The following ARHGEF38 variants were observed in gnomAD, a reference collection of about 807,000 sequenced individuals.
ARHGEF38 encodes Rho guanine nucleotide exchange factor (GEF) 38.
Under a neutral mutation model 79.9 loss-of-function variants are expected in ARHGEF38, and 79 were observed. That is an observed-to-expected ratio of 0.99 (90% CI 0.82 to 1.19). The LOEUF (loss-of-function observed/expected upper bound fraction) is 1.19. ARHGEF38 is among the 50% of genes most tolerant of loss of function. The pLI, the probability that ARHGEF38 is intolerant of heterozygous loss-of-function variation, is 0.00. For synonymous variants in ARHGEF38, 366 were observed against 328.3 expected, an observed-to-expected ratio of 1.11 and a Z score of -1.24; for missense variants, 962 against 907.2, an observed-to-expected ratio of 1.06 and a Z score of -0.78.
intron 1 of ARHGEF38, among the ~76,000 whole-genome samples, chr4:105,567,052 C>T (rs183016165): frequency 6.6e-6 from 1 of 152,256 alleles, no homozygotes; most frequent in Admixed American, 6.5e-5. Flanking sequence ...CATCCTTTTA[C>T]TATCTATCTT....
rs142282702 is a variant in ARHGEF38, at chr4:105,661,224, C to T, written c.1545+1859C>T. On this transcript the variant is annotated intron_variant, in intron 10 of 13. Transcript: ENST00000420470. ...ATATACCACACTTTACTTATTCATT[C>T]GTCAGTTGACGGGCATTTGGGTTAT... Among the ~76,000 whole-genome samples, 324 of 152,220 alleles carry T rather than the reference C, an allele frequency of 2.1e-3. 2 individuals carry two copies. Among genetic ancestry groups the T allele is most frequent in the African/African-American group, 7.5e-3 (312 of 41,536 alleles).
downstream of ARHGEF38, among the ~76,000 whole-genome samples, chr4:105,681,448 T>C (rs997952609): frequency 6.6e-6 from 1 of 151,850 alleles, no homozygotes; most frequent in African/African-American, 2.4e-5. Flanking sequence ...CAAATCAAGT[T>C]TGATGGAACA....
At chr4:105,640,381 TTTAC>T (rs1252533585) in intron 5 of ARHGEF38, among the ~76,000 whole-genome samples, 6 of 152,174 alleles carry the variant, frequency 3.9e-5, no homozygotes, top group South Asian at 2.1e-4. Flanking sequence ...TTGTTCTTCA[TTTAC>T]TTAGTTTTCT....
At chr4:105,629,040 A>G (rs1189218138) in intron 3 of ARHGEF38, among the ~76,000 whole-genome samples, 1 of 152,096 alleles carries the variant, frequency 6.6e-6, no homozygotes, top group Non-Finnish European at 1.5e-5. Flanking sequence ...AGGCACTAAG[A>G]CTCAAATAAT....
rs540866239 is a variant in ARHGEF38 at position 105,597,051 on chromosome 4, C to A, written c.384+7616C>A. On this transcript the variant is annotated intron_variant, in intron 2 of 13. Transcript: ENST00000420470. ...TCTCCCAGCCCAGCTCCTCAGACCC[C>A]CAACTTGTCCATAACAGGAATTCAG... 2.6e-5 allele frequency among the ~76,000 whole-genome samples: 4 copies of A among 152,264 alleles called. No individual in the cohort carries two copies. In the South Asian group the frequency reaches 6.2e-4, roughly 24 times the overall value.
At chr4:105,637,602 CCTGG>C (rs1729450903) in intron 5 of ARHGEF38, among the ~76,000 whole-genome samples, 1 of 152,010 alleles carries the variant, frequency 6.6e-6, no homozygotes, top group Non-Finnish European at 1.5e-5. Context: ...AGCCTGTGTC[CCTGG>C]CATTGTGCCA....
intron 1 of ARHGEF38, among the ~76,000 whole-genome samples, chr4:105,560,694 C>G (rs953817342): frequency 1.3e-5 from 2 of 152,136 alleles, no homozygotes; most frequent in Non-Finnish European, 2.9e-5. Context: ...CACTGAAGCC[C>G]TCGATAGAGG....
At chr4:105,668,662 G>GTAGATAGATGATAGA (rs1006893876) in intron 13 of ARHGEF38, among the ~76,000 whole-genome samples, 2 of 148,920 alleles carry the variant, frequency 1.3e-5, no homozygotes, top group Non-Finnish European at 3.0e-5. Flanking sequence ...ATGTATATGT[G>GTAGATAGATGATAGA]TAGATAGATA....
In ARHGEF38 at chr4:105,678,241, GAAAGGTTGGATCC is replaced by G. The variant is rs1364660476; in HGVS notation, c.*312_*324del. 1 of 226,984 alleles carries G rather than the reference GAAAGGTTGGATCC, an allele frequency of 4.4e-6. No individual in the cohort carries two copies. The highest frequency in any genetic ancestry group is 5.5e-5 in the Admixed American group (1 of 18,340). 14.1% of individuals were successfully genotyped at this position (226,984 alleles called of 1,614,324 possible). On this transcript the variant is annotated 3_prime_UTR_variant, in exon 14 of 14. Coordinates refer to ENST00000420470, the MANE Select transcript of ARHGEF38 (RefSeq NM_001242729.2). ...AGTAATTATATTCTTTTATCATCAA[GAAAGGTTGGATCC>G]AAAGGTTTTTCAATTTACTTTTTTT...
chr4:105,561,394 GTA>G (rs1725518673), intron 1 of ARHGEF38, among the ~76,000 whole-genome samples: 3 of 26,816 alleles, frequency 1.1e-4, no homozygotes, highest in Admixed American at 4.8e-4. Flanking sequence ...CAAAAATAGA[GTA>G]GAATAATAGA....
chr4:105,594,815 C>T (rs987590037), intron 2 of ARHGEF38, among the ~76,000 whole-genome samples: 6 of 152,170 alleles, frequency 3.9e-5, no homozygotes, highest in Non-Finnish European at 7.4e-5. Context: ...TCAGCAGTTA[C>T]ACATCTTCTT....
chr4:105,576,486 T>C (rs1213395287), intron 1 of ARHGEF38, among the ~76,000 whole-genome samples: 1 of 151,834 alleles, frequency 6.6e-6, no homozygotes, highest in African/African-American at 2.4e-5. Context: ...TGTTGGTATA[T>C]AGCAAGCAGC....
chr4:105,568,232 T>C (rs899393215), intron 1 of ARHGEF38, among the ~76,000 whole-genome samples: 3 of 151,908 alleles, frequency 2.0e-5, no homozygotes, highest in Admixed American at 6.6e-5. Context: ...AAAAAACATA[T>C]GAAAAAATGC....
chr4:105,669,690 T>C (rs1332475537), intron 13 of ARHGEF38, among the ~76,000 whole-genome samples: 1 of 152,194 alleles, frequency 6.6e-6, no homozygotes, highest in Non-Finnish European at 1.5e-5. Flanking sequence ...ATTACAAAGT[T>C]GTACAAGTTT....
chr4:105,679,289 G>T lies in ARHGEF38; in HGVS notation c.*1352G>T. 1.4e-6 allele frequency: 1 copy of T among 731,992 alleles called. No homozygotes were observed. Among genetic ancestry groups the T allele is most frequent in the South Asian group, 1.7e-5 (1 of 60,570 alleles). 45.3% of individuals were successfully genotyped at this position (731,992 alleles called of 1,614,324 possible). ...AGCTGGCACTGAGAGTATCCAGCCG[G>T]AATCATGCCACTTTGCCTGTAACCT... On this transcript the variant is annotated 3_prime_UTR_variant, in exon 14 of 14. Transcript: ENST00000420470.
chr4:105,563,450 A>G (rs907390680), intron 1 of ARHGEF38: 1 of 152,246 alleles, frequency 6.6e-6, no homozygotes, highest in Admixed American at 6.5e-5. Flanking sequence ...GTAGGCACTT[A>G]GGTGCAGTAC....
intron 2 of ARHGEF38, among the ~76,000 whole-genome samples, chr4:105,591,353 C>T (rs928554166): frequency 6.6e-6 from 1 of 152,086 alleles, no homozygotes; most frequent in Non-Finnish European, 1.5e-5. Flanking sequence ...CTCAGCCTCC[C>T]GAGTAGCTGG....
chr4:105,555,323 A>C (rs1725201210), intron 1 of ARHGEF38, among the ~76,000 whole-genome samples: 1 of 152,150 alleles, frequency 6.6e-6, no homozygotes, highest in African/African-American at 2.4e-5. Context: ...CCCTTAAAAG[A>C]ATCCAAGTCT....
chr4:105,676,794 C>T (rs1731138826), intron 13 of ARHGEF38, among the ~76,000 whole-genome samples: 1 of 151,754 alleles, frequency 6.6e-6, no homozygotes, highest in South Asian at 2.1e-4. Context: ...AAGAAGGGAA[C>T]AAGGAAGTAA....
Sources: gnomAD v4.1 joint callset for allele counts (sites outside exome capture counted in the v4.1 genomes callset) on GRCh38, gnomAD v4.1.1 for gene constraint, MANE v1.5 for transcripts, NCBI Gene and HGNC (gene_info 2026-07-23, HGNC 2026-07-21) for gene names.